AOX1: variants seen among roughly 807,000 people sequenced by gnomAD.
The protein encoded by AOX1 is aldehyde oxidase 1, also known as aldehyde oxidase.
In AOX1, 153 loss-of-function variants were observed where a neutral mutation model predicts 169.5. The observed-to-expected ratio is 0.90, with a 90% CI of 0.79 to 1.03. The LOEUF is 1.03. Ranked by LOEUF, AOX1 falls within the 50% of genes least tolerant of loss-of-function variation. The probability of loss-of-function intolerance (pLI) is 0.00; values close to 1 mark genes in which losing one functional copy is unlikely to be tolerated. For missense variants in AOX1, 1,656 were observed against 1,663.9 expected (o/e 1.00, Z 0.08); for synonymous variants, 562 against 581.9 (o/e 0.97, Z 0.49).
chr2:200,630,250 C>T (rs1473831084), intron 20 of AOX1, among the ~76,000 whole-genome samples: 3 of 141,376 alleles, frequency 2.1e-5, no homozygotes, highest in African/African-American at 5.6e-5. Context: ...AAGCTGGGCA[C>T]GGTGGCTCTT....
intron 23 of AOX1, among the ~76,000 whole-genome samples, chr2:200,640,049 A>G (rs1264996041): frequency 2.0e-5 from 3 of 151,860 alleles, no homozygotes; most frequent in African/African-American, 7.3e-5. Context: ...AAAAAAAAAA[A>G]AAAAAGAATG....
intron 26 of AOX1, among the ~76,000 whole-genome samples, chr2:200,652,924 T>C (rs944411245): frequency 6.6e-6 from 1 of 152,154 alleles, no homozygotes; most frequent in African/African-American, 2.4e-5. Flanking sequence ...ATAATAATAG[T>C]GACAATTACT....
In AOX1 at chr2:200,623,933, C is replaced by T. The variant is rs151132832; in HGVS notation, c.2074C>T (p.Arg692Ter). ...SEVQAKRAAK[R>*]VKIVYQDLEP... ...GGTTCAGGCAAAGCGAGCTGCTAAG[C>T]GAGTGAAGATTGTCTATCAAGACTT... is the stretch of plus-strand genomic sequence containing the variant. The change falls in exon 19 of 35, where the codon CGA becomes TGA. Residue 692 changes from arginine (R) to a stop codon, truncating the protein, a stop_gained. Transcript: ENST00000374700. LOFTEE classifies it high-confidence loss of function. The T allele has an allele frequency of 2.6e-5, 42 of 1,613,950 alleles. No individual in the cohort carries two copies. The highest frequency in any genetic ancestry group is 1.6e-4 in the Middle Eastern group (1 of 6,076).
At chr2:200,645,512 A>C (rs533758705) in intron 25 of AOX1, among the ~76,000 whole-genome samples, 5 of 152,168 alleles carry the variant, frequency 3.3e-5, no homozygotes, top group African/African-American at 1.2e-4. Context: ...TTCATCAAGG[A>C]TATTGGTCTG....
At chr2:200,657,443 C>A (rs1050316834) in intron 27 of AOX1, among the ~76,000 whole-genome samples, 1 of 151,876 alleles carries the variant, frequency 6.6e-6, no homozygotes, top group Non-Finnish European at 1.5e-5. Context: ...ACTGGGTAAA[C>A]AAACCAATTT....
At chr2:200,591,728 A>G (rs891977987) in intron 1 of AOX1, among the ~76,000 whole-genome samples, 3 of 152,160 alleles carry the variant, frequency 2.0e-5, no homozygotes, top group African/African-American at 7.2e-5. Flanking sequence ...GAGCCATGTT[A>G]AATTTAGGCA....
In AOX1 at chr2:200,607,780, T is replaced by G. The variant is rs1048503817; in HGVS notation, c.908-1204T>G. 1.1e-3 allele frequency among the ~76,000 whole-genome samples: 172 copies of G among 152,148 alleles called. 1 individual carries two copies. Among genetic ancestry groups the G allele is most frequent in the Admixed American group, 1.8e-3 (27 of 15,264 alleles). Reference sequence around the variant, plus strand: ...GACAGATACACACCATGGAATACTATGCAGCCATAAAAAAGAATGAGATCA... The same window carrying G: ...GACAGATACACACCATGGAATACTAGGCAGCCATAAAAAAGAATGAGATCA... On this transcript the variant is annotated intron_variant, in intron 10 of 34. Coordinates refer to ENST00000374700, the MANE Select transcript of AOX1 (RefSeq NM_001159.4).
intron 20 of AOX1, among the ~76,000 whole-genome samples, chr2:200,631,673 G>C (rs1181091059): frequency 6.6e-6 from 1 of 152,184 alleles, no homozygotes; most frequent in Non-Finnish European, 1.5e-5. Flanking sequence ...TGTCAGGGTA[G>C]GCAGTGCAAT....
intron 8 of AOX1, 45 bp from the exon 9 acceptor site, chr2:200,604,651 G>A (rs1172289697): frequency 6.2e-7 from 1 of 1,606,612 alleles, no homozygotes; most frequent in Non-Finnish European, 8.5e-7. Flanking sequence ...AACAGGTGGA[G>A]ATGGCATCAT....
intron 23 of AOX1, among the ~76,000 whole-genome samples, chr2:200,640,571 T>G (rs1487034549): frequency 6.6e-6 from 1 of 152,168 alleles, no homozygotes; most frequent in African/African-American, 2.4e-5. Context: ...CTTGGAGGGT[T>G]TTAGAAGAAA....
chr2:200,662,158 G>A (rs2035840071), intron 30 of AOX1, among the ~76,000 whole-genome samples: 1 of 152,156 alleles, frequency 6.6e-6, no homozygotes. Flanking sequence ...CTGAGAGCAG[G>A]GTGATGTAGA....
At chr2:200,624,791 G>C (rs1046025759) in intron 19 of AOX1, among the ~76,000 whole-genome samples, 19 of 152,146 alleles carry the variant, frequency 1.2e-4, no homozygotes, top group African/African-American at 3.6e-4. Flanking sequence ...GCATTCCATT[G>C]GTTCTTATAA....
intron 7 of AOX1, 146 bp downstream of exon 7, chr2:200,603,502 A>G: frequency 1.7e-6 from 1 of 585,242 alleles, no homozygotes. Flanking sequence ...CCATCTCTCT[A>G]TAAAAAAAAA....
At position 200,595,310 on chromosome 2, in the gene AOX1, G is replaced by A. The variant is rs777438300; in HGVS notation, c.142G>A (p.Gly48Ser). The A allele has an allele frequency of 1.9e-6, 3 of 1,613,266 alleles. No individual in the cohort carries two copies. The highest frequency in any genetic ancestry group is 2.5e-6 in the Non-Finnish European group (3 of 1,179,412). The change falls in exon 3 of 35, where the codon GGC becomes AGC. Residue 48 changes from glycine (G) to serine (S), a missense_variant. By Grantham distance (56) the Gly-to-Ser change is moderately conservative. Transcript: ENST00000374700. ...AACTAAGTATGGCTGTGGAGGAGGA[G>A]GCTGTGGTGCTTGTACAGTGATGAT... is the stretch of plus-strand genomic sequence containing the variant. ...TGTKYGCGGG[G>S]CGACTVMISR...
At chr2:200,605,690 C>T in intron 10 of AOX1, 62 bp downstream of exon 10, 2 of 734,550 alleles carry the variant, frequency 2.7e-6, no homozygotes. Flanking sequence ...TTACCTTGCC[C>T]AGCAGACAAG....
chr2:200,647,997 A>G (rs1330599210), intron 25 of AOX1, among the ~76,000 whole-genome samples: 1 of 152,106 alleles, frequency 6.6e-6, no homozygotes, highest in Non-Finnish European at 1.5e-5. Context: ...AACTTCTTGT[A>G]ACTTTTTTAA....
chr2:200,663,599 C>CCCT (rs1553579869), intron 31 of AOX1, among the ~76,000 whole-genome samples: 1 of 151,864 alleles, frequency 6.6e-6, no homozygotes, highest in Admixed American at 6.6e-5. Flanking sequence ...CTCTCTCTCC[C>CCCT]CCTCTTTCTG....
In AOX1 at chr2:200,642,814, C is replaced by T. The variant is rs780976872; in HGVS notation, c.2847+13C>T. ...ATCCCCTGAGAAGGTAATACTAAATCAGCTTCACAGACAAAACATGTGGAA... is the reference window on the plus strand; with the variant it reads ...ATCCCCTGAGAAGGTAATACTAAATTAGCTTCACAGACAAAACATGTGGAA... On this transcript the variant is annotated intron_variant, in intron 25 of 34. Transcript: ENST00000374700. The T allele has an allele frequency of 6.2e-7, 1 of 1,603,806 alleles. No homozygotes were observed. The highest frequency in any genetic ancestry group is 1.1e-5 in the South Asian group (1 of 89,962).
downstream of AOX1, among the ~76,000 whole-genome samples, chr2:200,677,505 A>G (rs1320007554): frequency 6.6e-6 from 1 of 152,180 alleles, no homozygotes; most frequent in Non-Finnish European, 1.5e-5. Flanking sequence ...ACACAAACAC[A>G]TACGAATTAA....
Sources: gnomAD v4.1 joint callset for allele counts (sites outside exome capture counted in the v4.1 genomes callset) on GRCh38, gnomAD v4.1.1 for gene constraint, MANE v1.5 for transcripts, NCBI Gene and HGNC (gene_info 2026-07-23, HGNC 2026-07-21) for gene names.